The following MATR3 variants were observed in gnomAD, a reference collection of about 807,000 sequenced individuals.
The protein encoded by MATR3 is matrin-3.
Under a neutral mutation model 85.5 loss-of-function variants are expected in MATR3, and 4 were observed. The observed-to-expected ratio is 0.05, with a 90% CI of 0.02 to 0.11. The LOEUF (loss-of-function observed/expected upper bound fraction) is 0.11. Among genes scored for constraint, MATR3 ranks in the 10% least tolerant of loss-of-function variants. The probability of loss-of-function intolerance (pLI) is 1.00; values close to 1 mark genes in which losing one functional copy is unlikely to be tolerated. For synonymous variants in MATR3, 336 were observed against 343.1 expected (o/e 0.98, Z 0.23); for missense variants, 685 against 1,016.1 (o/e 0.67, Z 4.43).
chr5:139,317,053 G>A lies in MATR3; in HGVS notation c.1130G>A (p.Gly377Asp), dbSNP rs1307085297. 4 of 1,613,842 alleles carry A rather than the reference G, an allele frequency of 2.5e-6. No homozygotes were observed. Among genetic ancestry groups the A allele is most frequent in the Non-Finnish European group, 3.4e-6 (4 of 1,179,884 alleles). ...CTGAAAACTTTCTCTTCCCATAAAG[G>A]TGCTGGAAATGGAAACCTGCAAGGA... The part of the protein sequence containing the change: ...GPAVGPRGNL[G>D]AGNGNLQGPR... The change falls in exon 6 of 15, where the codon GGT becomes GAT. Residue 377 changes from glycine to aspartate, a missense_variant and splice_region_variant. Physicochemically the swap from Gly to Asp is moderately conservative, Grantham distance 94 (BLOSUM62 -1). Transcript: ENST00000394805.
intron 3 of MATR3, chr5:139,315,301 G>T: frequency 4.5e-6 from 1 of 223,680 alleles, no homozygotes; most frequent in South Asian, 6.3e-5. Flanking sequence ...CTCTGTTGGG[G>T]CTATTCTTTC....
At chr5:139,278,787 G>A (rs748151367) in intron 2 of MATR3, 3 of 505,390 alleles carry the variant, frequency 5.9e-6, no homozygotes, top group East Asian at 5.6e-5. Flanking sequence ...ATCATCCAGC[G>A]GTTGTCAGCT....
In MATR3 at chr5:139,325,519, C is replaced by G. The variant is rs1222636318; in HGVS notation, c.2228C>G (p.Pro743Arg). 4 of 1,614,150 alleles carry G rather than the reference C, an allele frequency of 2.5e-6. No homozygotes were observed. Among genetic ancestry groups the G allele is most frequent in the South Asian group, 2.2e-5 (2 of 91,078 alleles). Reference protein sequence around the residue: ...NGIKNEENTEPGAESSENADD... With the variant: ...NGIKNEENTERGAESSENADD... ...ATTAAAAATGAGGAAAACACAGAAC[C>G]AGGTGCTGAATCTTCTGAGAACGCT... The change falls in exon 13 of 15, where the codon CCA becomes CGA. Residue 743 changes from proline to arginine, a missense_variant. Physicochemically the swap from Pro to Arg is moderately radical, Grantham distance 103. Transcript: ENST00000394805.
intron 1 of MATR3, among the ~76,000 whole-genome samples, chr5:139,301,360 C>T (rs1191214214): frequency 1.3e-5 from 2 of 151,774 alleles, no homozygotes; most frequent in African/African-American, 2.4e-5. Context: ...CACTCTGTCA[C>T]CCAGGCTGGA....
chr5:139,307,094 G>T lies in MATR3; in HGVS notation c.-177-145G>T. 2.5e-6 allele frequency: 1 copy of T among 400,236 alleles called. No homozygotes were observed. The highest frequency in any genetic ancestry group is 1.1e-4 in the East Asian group (1 of 9,390). The allele number at this position is 400,236 out of a possible 1,614,324, so 24.8% of individuals were successfully genotyped here. ...CAGGCTCTGCATACATCAGGAATCT[G>T]TTTAAGATATGTAATAAATTCCTTG... On this transcript the variant is annotated intron_variant, in intron 1 of 14. Transcript: ENST00000394805. This position sits in a 1 kb window ranked among gnomAD's most constrained non-coding sequence, Gnocchi z 4.4.
At chr5:139,282,400 T>C (rs1306445624) in intron 3 of MATR3, among the ~76,000 whole-genome samples, 2 of 152,250 alleles carry the variant, frequency 1.3e-5, no homozygotes, top group Non-Finnish European at 2.9e-5. Flanking sequence ...GAGACCCTGT[T>C]ACTTGTTTGG....
intron 14 of MATR3, among the ~76,000 whole-genome samples, chr5:139,327,100 C>T (rs1051455240): frequency 1.3e-5 from 2 of 152,162 alleles, no homozygotes; most frequent in African/African-American, 4.8e-5. Context: ...TTATCAGCTT[C>T]TTTGGACTAC....
intron 1 of MATR3, among the ~76,000 whole-genome samples, chr5:139,302,447 ATAT>A (rs1296148801): frequency 6.6e-6 from 1 of 152,208 alleles, no homozygotes; most frequent in Non-Finnish European, 1.5e-5. Flanking sequence ...ATGTTAGGAA[ATAT>A]TATATACACC....
rs145516036 is a variant in MATR3, at chr5:139,330,820, C to G, written c.*1425C>G. On this transcript the variant is annotated 3_prime_UTR_variant, in exon 15 of 15. Coordinates refer to ENST00000394805, the MANE Select transcript of MATR3 (RefSeq NM_018834.6). ...AACAATTTTTTTTTCTTCCCTGACA[C>G]AGGGTCTCACTCTGTCACCCAGACT... 0.012 allele frequency: 5,415 copies of G among 454,058 alleles called. 54 individuals carry two copies. The highest frequency in any genetic ancestry group is 0.018 in the Non-Finnish European group (3,970 of 226,770). The allele number at this position is 454,058 out of a possible 1,614,324, so 28.1% of individuals were successfully genotyped here. A position where few individuals can be genotyped will look rare whatever the true frequency, so the allele number is the denominator to read the frequency against.
intron 3 of MATR3, 142 bp downstream of exon 3, chr5:139,314,878 A>T (rs2151980835): frequency 1.4e-6 from 1 of 725,784 alleles, no homozygotes; most frequent in African/African-American, 1.8e-5. Flanking sequence ...ACTATTTACA[A>T]GTAAAATGTT....
chr5:139,317,047 A>T lies in MATR3; in HGVS notation c.1130-6A>T. ...ACAAGACTGAAAACTTTCTCTTCCC[A>T]TAAAGGTGCTGGAAATGGAAACCTG... On this transcript the variant is annotated splice_region_variant and splice_polypyrimidine_tract_variant and intron_variant, in intron 5 of 14. Transcript: ENST00000394805. 6.2e-7 allele frequency: 1 copy of T among 1,614,002 alleles called. No individual in the cohort carries two copies. Among genetic ancestry groups the T allele is most frequent in the South Asian group, 1.1e-5 (1 of 91,080 alleles).
intron 3 of MATR3, among the ~76,000 whole-genome samples, chr5:139,287,533 C>T (rs1484073483): frequency 4.6e-5 from 7 of 152,054 alleles, no homozygotes; most frequent in Non-Finnish European, 7.4e-5. Context: ...GCAGGAGAAT[C>T]GCCTGAACCC....
chr5:139,318,684 A>G (rs1755383795), intron 7 of MATR3, among the ~76,000 whole-genome samples: 1 of 152,256 alleles, frequency 6.6e-6, no homozygotes, highest in African/African-American at 2.4e-5. Context: ...CAACCTCGTG[A>G]TCCGCCTGCC....
chr5:139,307,612 A>C lies in MATR3; in HGVS notation c.197A>C (p.Gln66Pro). Residue 66 changes from glutamine (Q) to proline (P), a missense_variant, in exon 2 of 15, where the codon CAA (glutamine) becomes CCA (proline). By Grantham distance (76) the Gln-to-Pro change is moderately conservative. Transcript: ENST00000394805. This position sits in a 1 kb window ranked among gnomAD's most constrained non-coding sequence, Gnocchi z 4.4. ...CTTGGAATGAGTTCTTCATTGAATC[A>C]ACAAGGAGCTCATAGTGCACTGTCT... ...MNLGMSSSLN[Q>P]QGAHSALSSA... 1 of 1,614,178 alleles carries C rather than the reference A, an allele frequency of 6.2e-7. No homozygotes were observed. The highest frequency in any genetic ancestry group is 8.5e-7 in the Non-Finnish European group (1 of 1,180,032).
At chr5:139,274,107 C>A (rs1051682598) in exon 1 of MATR3, 4 of 450,432 alleles carry the variant, frequency 8.9e-6, no homozygotes, top group Non-Finnish European at 1.8e-5. Flanking sequence ...GCTGCCCTTT[C>A]CCCTCCGGCC....
chr5:139,316,051 A>G, intron 4 of MATR3, 25 bp from the exon 5 acceptor site: 3 of 1,491,400 alleles, frequency 2.0e-6, no homozygotes, highest in Non-Finnish European at 2.8e-6. Context: ...ATTATGATTT[A>G]TATTTTATGT....
chr5:139,317,929 T>C (rs912457105), intron 7 of MATR3, among the ~76,000 whole-genome samples: 2 of 152,212 alleles, frequency 1.3e-5, no homozygotes, highest in African/African-American at 4.8e-5. Flanking sequence ...GATCCTTAGG[T>C]AGTAATTGTC....
chr5:139,294,080 C>T, intron 1 of MATR3: 1 of 1,262,414 alleles, frequency 7.9e-7, no homozygotes, highest in African/African-American at 1.5e-5. Context: ...CAGGGTGCGG[C>T]GGGAGATTTT....
intron 1 of MATR3, among the ~76,000 whole-genome samples, chr5:139,301,411 C>T (rs778040124): frequency 2.0e-5 from 3 of 151,948 alleles, no homozygotes; most frequent in Non-Finnish European, 4.4e-5. Context: ...CCTCCACCTC[C>T]CGGGTTCAAG....
Sources: gnomAD v4.1 joint callset for allele counts (sites outside exome capture counted in the v4.1 genomes callset) on GRCh38, gnomAD v4.1.1 for gene constraint, Gnocchi (gnomAD v3.1) non-coding constraint, MANE v1.5 for transcripts, NCBI Gene and HGNC (gene_info 2026-07-23, HGNC 2026-07-21) for gene names.